Variants in DPY19L2 observed in about 807,000 individuals in gnomAD.
The protein encoded by DPY19L2 is dpy-19 like 2.
A neutral mutation model predicts 97.9 loss-of-function variants in DPY19L2; 34 were observed. The ratio of observed to expected loss-of-function variants is 0.35; its 90% CI spans 0.26 to 0.46. The LOEUF (loss-of-function observed/expected upper bound fraction) is 0.46. DPY19L2 is among the 20% of genes least tolerant of loss of function. The probability of loss-of-function intolerance (pLI) is 1.00; values close to 1 mark genes in which losing one functional copy is unlikely to be tolerated. For synonymous variants in DPY19L2, 230 were observed against 307.9 expected, an observed-to-expected ratio of 0.75 and a Z score of 2.65; for missense variants, 623 against 911.4, an observed-to-expected ratio of 0.68 and a Z score of 4.07.
chr12:63,665,238 G>A (rs1440350115), intron 2 of DPY19L2, among the ~76,000 whole-genome samples: 11 of 152,178 alleles, frequency 7.2e-5, no homozygotes, highest in Non-Finnish European at 1.0e-4. Flanking sequence ...TTGGGAGGCC[G>A]AGGCAGGTGG....
intron 4 of DPY19L2, among the ~76,000 whole-genome samples, chr12:63,657,282 AT>A (rs907573902): frequency 6.6e-6 from 1 of 152,164 alleles, no homozygotes; most frequent in Non-Finnish European, 1.5e-5. Flanking sequence ...GACACTAGTG[AT>A]TTCAAATTCC....
intron 8 of DPY19L2, among the ~76,000 whole-genome samples, chr12:63,622,096 A>G (rs1292482574): frequency 6.6e-6 from 1 of 152,202 alleles, no homozygotes; most frequent in African/African-American, 2.4e-5. Context: ...TACTAATATT[A>G]TCATAAAATA....
chr12:63,635,825 G>A (rs1181918101), intron 6 of DPY19L2, among the ~76,000 whole-genome samples: 3 of 152,140 alleles, frequency 2.0e-5, no homozygotes, highest in African/African-American at 7.2e-5. Context: ...AAGTGACAGG[G>A]AGAATGGAAC....
intron 4 of DPY19L2, among the ~76,000 whole-genome samples, chr12:63,657,558 G>C (rs558264004): frequency 7.2e-6 from 1 of 139,530 alleles, no homozygotes; most frequent in Admixed American, 7.2e-5. Context: ...TTAACATTTA[G>C]GTTTTTTTTT....
At chr12:63,585,338 T>G (rs118189396) in intron 16 of DPY19L2, among the ~76,000 whole-genome samples, 1 of 152,142 alleles carries the variant, frequency 6.6e-6, no homozygotes, top group Admixed American at 6.5e-5. Flanking sequence ...CAGAGACTCA[T>G]AGGTTTTTTA....
intron 20 of DPY19L2, 75 bp downstream of exon 20, chr12:63,570,683 G>A: frequency 5.3e-6 from 5 of 945,312 alleles, no homozygotes; most frequent in Non-Finnish European, 8.0e-6. Context: ...GTGTGTGTGT[G>A]TGTAAAATTT....
At chr12:63,599,187 A>C (rs35145045) in intron 13 of DPY19L2, among the ~76,000 whole-genome samples, 54,086 of 150,038 alleles carry the variant, frequency 0.36, 11,242 homozygotes, top group African/African-American at 0.58. Flanking sequence ...ACAAAAAAAA[A>C]AAAAAAAAAA....
chr12:63,646,033 T>C (rs1175867428), intron 5 of DPY19L2, among the ~76,000 whole-genome samples: 2 of 151,798 alleles, frequency 1.3e-5, no homozygotes, highest in African/African-American at 4.8e-5. Flanking sequence ...TTCAGTTCTC[T>C]CTTGTTTCAG....
At chr12:63,587,182 A>G (rs1298536628) in intron 16 of DPY19L2, among the ~76,000 whole-genome samples, 1 of 152,168 alleles carries the variant, frequency 6.6e-6, no homozygotes, top group East Asian at 1.9e-4. Flanking sequence ...CACTAAGTAA[A>G]GCAAAGAATA....
At chr12:63,635,657 C>T (rs777405904) in intron 6 of DPY19L2, among the ~76,000 whole-genome samples, 10 of 151,912 alleles carry the variant, frequency 6.6e-5, no homozygotes, top group South Asian at 4.2e-4. Flanking sequence ...CTTCAGTAGC[C>T]GATTTGATCA....
Position 63,624,108 on chromosome 12 carries a change from T to C in DPY19L2, c.885A>G (p.Pro295=). 6.2e-7 allele frequency: 1 copy of C among 1,611,410 alleles called. No homozygotes were observed. The highest frequency in any genetic ancestry group is 8.5e-7 in the Non-Finnish European group (1 of 1,179,498). ...HGEATRVMWT[P]PLRESFSYPF... Reference sequence around the variant, plus strand: ...GATAGGAAAAACTTTCACGGAGAGGTGGTGTCCACATCACACGGGTGGCCT... The same window carrying C: ...GATAGGAAAAACTTTCACGGAGAGGCGGTGTCCACATCACACGGGTGGCCT... Residue 295 remains proline, a synonymous_variant, in exon 8 of 22, where the codon CCA becomes CCG. Transcript: ENST00000324472.
At chr12:63,614,885 C>G (rs1887597257) in intron 11 of DPY19L2, among the ~76,000 whole-genome samples, 1 of 152,126 alleles carries the variant, frequency 6.6e-6, no homozygotes, top group African/African-American at 2.4e-5. Context: ...TATCAATGAG[C>G]ATCCTTGGGT....
intron 6 of DPY19L2, among the ~76,000 whole-genome samples, chr12:63,628,103 A>C (rs958973245): frequency 1.4e-4 from 21 of 152,162 alleles, no homozygotes; most frequent in African/African-American, 4.8e-4. Flanking sequence ...AAGATGGCCG[A>C]ATAGGAACAG....
At chr12:63,664,412 C>A (rs527446525) in intron 2 of DPY19L2, among the ~76,000 whole-genome samples, 54 of 152,130 alleles carry the variant, frequency 3.5e-4, no homozygotes, top group African/African-American at 1.2e-3. Context: ...CCCTTCCTTC[C>A]ATCCCAGGCC....
Position 63,559,412 on chromosome 12 carries a change from T to A in DPY19L2, c.*1100A>T, listed in dbSNP as rs185730719. 2.4e-3 allele frequency: 364 copies of A among 152,590 alleles called. 4 individuals carry two copies. Among genetic ancestry groups the A allele is most frequent in the Middle Eastern group, 0.017 (5 of 294 alleles). 9.5% of individuals were successfully genotyped at this position (152,590 alleles called of 1,614,324 possible). On this transcript the variant is annotated 3_prime_UTR_variant, in exon 22 of 22. Transcript: ENST00000324472. ...ACATTAAAATACTATAGATCTGGCA[T>A]ATTTCATATTTATAAAGCAGACAAA... is the stretch of plus-strand genomic sequence containing the variant.
At chr12:63,655,081 G>A (rs1347971626) in intron 4 of DPY19L2, among the ~76,000 whole-genome samples, 1 of 152,092 alleles carries the variant, frequency 6.6e-6, no homozygotes, top group Admixed American at 6.5e-5. Flanking sequence ...CCATATATAT[G>A]AAAAATAATT....
At chr12:63,578,378 A>T (rs1208464438) in intron 19 of DPY19L2, among the ~76,000 whole-genome samples, 9 of 152,128 alleles carry the variant, frequency 5.9e-5, no homozygotes, top group South Asian at 2.1e-4. Flanking sequence ...AGAATGGATA[A>T]GATGTAGTGT....
intron 12 of DPY19L2, among the ~76,000 whole-genome samples, chr12:63,604,912 C>T (rs1336546516): frequency 6.6e-6 from 1 of 152,106 alleles, no homozygotes; most frequent in Admixed American, 6.5e-5. Context: ...GGTTTTTCTA[C>T]TGTGTCCAGT....
intron 14 of DPY19L2, among the ~76,000 whole-genome samples, chr12:63,596,974 T>C (rs1884355463): frequency 6.6e-6 from 1 of 151,962 alleles, no homozygotes; most frequent in African/African-American, 2.4e-5. Flanking sequence ...GAGGCCAATT[T>C]TTTTTTCTTT....
Sources: gnomAD v4.1 joint callset for allele counts (sites outside exome capture counted in the v4.1 genomes callset) on GRCh38, gnomAD v4.1.1 for gene constraint, MANE v1.5 for transcripts, NCBI Gene and HGNC (gene_info 2026-07-23, HGNC 2026-07-21) for gene names.